Variants in PCDHGA2 observed in about 807,000 individuals in gnomAD.
PCDHGA2 encodes protocadherin gamma subfamily A, 2.
PCDHGA2 carries 40 observed loss-of-function variants against 59.2 expected under a neutral mutation model. That is an observed-to-expected ratio of 0.68 (90% CI 0.52 to 0.88). PCDHGA2 has a LOEUF of 0.88. Among genes scored for constraint, PCDHGA2 ranks in the 40% least tolerant of loss-of-function variants. PCDHGA2 has a pLI of 0.00. For missense variants in PCDHGA2, 1,226 were observed against 1,204.0 expected (o/e 1.02, Z -0.27); for synonymous variants, 560 against 526.0 (o/e 1.06, Z -0.89).
intron 1 of PCDHGA2, chr5:141,370,205 T>C (rs1766739640): frequency 3.7e-6 from 2 of 547,650 alleles, no homozygotes; most frequent in South Asian, 6.6e-5. Flanking sequence ...GTGCAAAATA[T>C]TGGCTCCTCC....
chr5:141,391,264 G>T (rs1427432631), intron 1 of PCDHGA2: 1 of 151,768 alleles, frequency 6.6e-6, no homozygotes, highest in Non-Finnish European at 1.5e-5. Context: ...TCAGTTAATG[G>T]CCACTTTACA....
Position 141,486,998 on chromosome 5 carries a change from C to T in PCDHGA2, c.2425-7809C>T. 1.2e-6 allele frequency: 2 copies of T among 1,614,206 alleles called. No individual in the cohort carries two copies. Among genetic ancestry groups the T allele is most frequent in the Non-Finnish European group, 1.7e-6 (2 of 1,180,034 alleles). On this transcript the variant is annotated intron_variant, in intron 1 of 3. Transcript: ENST00000394576. The surrounding 1 kb of genome is among the most constrained non-coding windows in gnomAD (Gnocchi z 5.0). The stretch of plus-strand genomic sequence containing the variant: ...AGGTTACAATGCTTGGGTTTCCTAT[C>T]AGCTCCTGGAGGCCCCAGATCCCAG...
chr5:141,398,212 C>T, intron 1 of PCDHGA2: 1 of 1,484,360 alleles, frequency 6.7e-7, no homozygotes, highest in South Asian at 1.3e-5. Flanking sequence ...CTGCCCGGCG[C>T]TCTGTGAGCA....
Position 141,490,711 on chromosome 5 carries a change from T to C in PCDHGA2, c.2425-4096T>C. ...CACTGGGGATAATGCCCGCCTCACC[T>C]ACTCCATTGTAGGAAATCAGGTTCA... On this transcript the variant is annotated intron_variant, in intron 1 of 3. Transcript: ENST00000394576. The surrounding 1 kb of genome is among the most constrained non-coding windows in gnomAD (Gnocchi z 5.4). The C allele has an allele frequency of 6.2e-7, 1 of 1,614,200 alleles. No individual in the cohort carries two copies. Among genetic ancestry groups the C allele is most frequent in the Non-Finnish European group, 8.5e-7 (1 of 1,180,002 alleles).
rs562057533 is a variant in PCDHGA2, at chr5:141,365,545, A to T, written c.2424+24150A>T. 16 of 1,613,796 alleles carry T rather than the reference A, an allele frequency of 9.9e-6. No homozygotes were observed. In the South Asian group the frequency reaches 1.4e-4, roughly 14 times the overall value. ...CAGTTGATAATTACTATCACCTATT[A>T]ACAACTAGGGACCTGGACAGAGAAG... On this transcript the variant is annotated intron_variant, in intron 1 of 3. Coordinates refer to ENST00000394576, the MANE Select transcript of PCDHGA2 (RefSeq NM_018915.4).
intron 1 of PCDHGA2, chr5:141,388,330 G>A: frequency 6.2e-7 from 1 of 1,613,882 alleles, no homozygotes; most frequent in Non-Finnish European, 8.5e-7. Context: ...GCACAGCCTG[G>A]CACACGATTT....
At chr5:141,408,412 G>A in intron 1 of PCDHGA2, 2 of 1,614,052 alleles carry the variant, frequency 1.2e-6, no homozygotes, top group South Asian at 1.1e-5. Flanking sequence ...GAGTGAGCGC[G>A]GAGAAGCTGC....
rs1780458671 is a variant in PCDHGA2 at position 141,384,757 on chromosome 5, G to C, written c.2424+43362G>C. Reference sequence around the variant, plus strand: ...CAGCGAGCCAGGACTCTTTGCGGTTGGGCTGTACACGGGCGAGGTGCGCAC... The same window carrying C: ...CAGCGAGCCAGGACTCTTTGCGGTTCGGCTGTACACGGGCGAGGTGCGCAC... On this transcript the variant is annotated intron_variant, in intron 1 of 3. Transcript: ENST00000394576. 7 of 1,613,872 alleles carry C rather than the reference G, an allele frequency of 4.3e-6. No individual in the cohort carries two copies. The East Asian group carries it at 1.6e-4, about 36-fold the overall frequency.
chr5:141,436,287 T>A (rs565612572), intron 1 of PCDHGA2, among the ~76,000 whole-genome samples: 1 of 152,262 alleles, frequency 6.6e-6, no homozygotes, highest in Admixed American at 6.5e-5. Context: ...TAGGAACAAA[T>A]CATTGAGAGT....
rs1409012917 is a variant in PCDHGA2 at position 141,512,928 on chromosome 5, T to A, written c.*1755T>A. On this transcript the variant is annotated 3_prime_UTR_variant, in exon 4 of 4. Transcript: ENST00000394576. ...CAAGTTTTATACTCTAATATTTATA[T>A]GGCTTTTTTTCTTCGACAAAAAAAT... is the stretch of plus-strand genomic sequence containing the variant. 1.3e-5 allele frequency: 2 copies of A among 152,190 alleles called. No individual in the cohort carries two copies. Among genetic ancestry groups the A allele is most frequent in the Non-Finnish European group, 2.9e-5 (2 of 68,044 alleles). The allele number at this position is 152,190 out of a possible 1,614,324, so 9.4% of individuals were successfully genotyped here.
chr5:141,448,956 C>A (rs2098619571), intron 1 of PCDHGA2, among the ~76,000 whole-genome samples: 1 of 151,948 alleles, frequency 6.6e-6, no homozygotes, highest in Non-Finnish European at 1.5e-5. Context: ...AAAAAACAAA[C>A]AAACAAACAA....
chr5:141,371,543 A>T, intron 1 of PCDHGA2: 1 of 1,613,812 alleles, frequency 6.2e-7, no homozygotes, highest in Non-Finnish European at 8.5e-7. Context: ...GAGAAATCCT[A>T]TGCCAACTAA....
chr5:141,365,902 G>T, intron 1 of PCDHGA2: 1 of 1,614,256 alleles, frequency 6.2e-7, no homozygotes, highest in Non-Finnish European at 8.5e-7. Context: ...ACTATGAGCA[G>T]TTGAGAGACC....
chr5:141,356,907 T>G (rs17097226), intron 1 of PCDHGA2: 153,078 of 1,614,072 alleles, frequency 0.095, 9,003 homozygotes, highest in African/African-American at 0.29. Context: ...CCTTCCCTAC[T>G]GATGGCTCCA....
At chr5:141,438,210 A>G (rs1228726792) in intron 1 of PCDHGA2, among the ~76,000 whole-genome samples, 2 of 152,188 alleles carry the variant, frequency 1.3e-5, no homozygotes, top group Non-Finnish European at 2.9e-5. Flanking sequence ...ACCATATGGG[A>G]AGGGCTCTGG....
intron 1 of PCDHGA2, chr5:141,351,809 G>C (rs1758832270): frequency 6.2e-7 from 1 of 1,613,174 alleles, no homozygotes; most frequent in Non-Finnish European, 8.5e-7. Context: ...GCGCGCCTTC[G>C]ACCACGAGCA....
intron 1 of PCDHGA2, among the ~76,000 whole-genome samples, chr5:141,406,372 T>C (rs1010742441): frequency 1.3e-5 from 2 of 152,204 alleles, no homozygotes; most frequent in African/African-American, 4.8e-5. Flanking sequence ...AAGGGTAAAC[T>C]GATAAAAAGG....
intron 1 of PCDHGA2, chr5:141,346,499 G>T: frequency 1.2e-6 from 2 of 1,611,232 alleles, no homozygotes; most frequent in Non-Finnish European, 1.7e-6. Context: ...ACAAATATGA[G>T]AATGTGGTTA....
intron 1 of PCDHGA2, chr5:141,422,736 C>T (rs1408210168): frequency 9.9e-6 from 16 of 1,608,328 alleles, no homozygotes; most frequent in Non-Finnish European, 1.2e-5. Context: ...TGCCTCTGTC[C>T]TCCTATGTCT....
Sources: allele counts gnomAD v4.1 joint callset (sites outside exome capture counted in the v4.1 genomes callset), GRCh38; gene constraint gnomAD v4.1.1; non-coding constraint Gnocchi (gnomAD v3.1); transcripts MANE v1.5; gene names NCBI Gene and HGNC (gene_info 2026-07-23, HGNC 2026-07-21).